Variants in CCDC88B observed in about 807,000 individuals in gnomAD.
CCDC88B encodes coiled-coil domain-containing protein 88B.
In CCDC88B, 138 loss-of-function variants were observed where a neutral mutation model predicts 183.7. The observed-to-expected ratio is 0.75, with a 90% CI of 0.65 to 0.87. The LOEUF is 0.87. Ranked by LOEUF, CCDC88B falls within the 40% of genes least tolerant of loss-of-function variation. The probability of loss-of-function intolerance (pLI) is 0.00; values close to 1 mark genes in which losing one functional copy is unlikely to be tolerated. For missense variants in CCDC88B, 1,822 were observed against 1,965.6 expected (o/e 0.93, Z 1.38); for synonymous variants, 835 against 867.5 (o/e 0.96, Z 0.66).
At position 64,349,625 on chromosome 11, in the gene CCDC88B, A is replaced by C; in HGVS notation, c.2819A>C (p.Glu940Ala). ...AATSKEEALMELKTRALQLEE... is the reference protein window; with the variant it reads ...AATSKEEALMALKTRALQLEE... ...ACCAGCAAGGAGGAGGCGCTGATGG[A>C]GCTCAAGACCAGGGCCCTGCAGCTG... Residue 940 changes from glutamate (E) to alanine (A), a missense_variant, in exon 16 of 27, where the codon GAG becomes GCG. Physicochemically the swap from Glu to Ala is moderately radical, Grantham distance 107. Transcript: ENST00000356786. 1 of 1,600,570 alleles carries C rather than the reference A, an allele frequency of 6.2e-7. No homozygotes were observed. The highest frequency in any genetic ancestry group is 1.1e-5 in the South Asian group (1 of 88,362).
In CCDC88B at chr11:64,353,040, C is replaced by A; in HGVS notation, c.3501-14C>A. 6.3e-7 allele frequency: 1 copy of A among 1,579,042 alleles called. No homozygotes were observed. Among genetic ancestry groups the A allele is most frequent in the Non-Finnish European group, 8.6e-7 (1 of 1,162,294 alleles). Reference sequence around the variant, plus strand: ...CCCAGGTCCCTTGGAGAGCAGCTCTCCTTGCCTCCCAAGGGCTCAGATGCT... The same window carrying A: ...CCCAGGTCCCTTGGAGAGCAGCTCTACTTGCCTCCCAAGGGCTCAGATGCT... On this transcript the variant is annotated splice_polypyrimidine_tract_variant and intron_variant, in intron 20 of 26. Transcript: ENST00000356786.
chr11:64,352,893 G>A lies in CCDC88B; in HGVS notation c.3500+6G>A, dbSNP rs1421756808. ...CTTCAGAGCGAGCACGACAGGTGCCGCCCCTGCCACAGCCTCTAGCAGCTC... is the reference window on the plus strand; with the variant it reads ...CTTCAGAGCGAGCACGACAGGTGCCACCCCTGCCACAGCCTCTAGCAGCTC... On this transcript the variant is annotated splice_donor_region_variant and intron_variant, in intron 20 of 26. Transcript: ENST00000356786. 7.0e-6 allele frequency: 11 copies of A among 1,571,284 alleles called. No individual in the cohort carries two copies. The highest frequency in any genetic ancestry group is 3.5e-5 in the South Asian group (3 of 85,318).
At chr11:64,351,729 T>TC in intron 18 of CCDC88B, 113 bp downstream of exon 18, 1 of 1,303,412 alleles carries the variant, frequency 7.7e-7, no homozygotes, top group Middle Eastern at 2.7e-4. Flanking sequence ...CCCCACCTCT[T>TC]CCCCAGTCTC....
At position 64,343,720 on chromosome 11, in the gene CCDC88B, G is replaced by A. The variant is rs1349120551; in HGVS notation, c.1319-58G>A. ...CTCCCTTCTCCCAAGCCTCTGGGGT[G>A]TGTATGTGAGGAGCCAGGCAGTAAA... On this transcript the variant is annotated intron_variant, in intron 12 of 26. Coordinates refer to ENST00000356786, the MANE Select transcript of CCDC88B (RefSeq NM_032251.6). 7.2e-6 allele frequency: 11 copies of A among 1,529,006 alleles called. No homozygotes were observed. The South Asian group carries it at 9.8e-5, about 14-fold the overall frequency. The allele number at this position is 1,529,006 out of a possible 1,614,324, so 94.7% of individuals were successfully genotyped here.
At chr11:64,355,537 A>G (rs1423413836) in intron 25 of CCDC88B, 23 bp from the exon 26 acceptor site, 1 of 1,612,726 alleles carries the variant, frequency 6.2e-7, no homozygotes, top group South Asian at 1.1e-5. Context: ...CCCTGGGCCC[A>G]GTGGTTGCCT....
At position 64,353,480 on chromosome 11, in the gene CCDC88B, G is replaced by T; in HGVS notation, c.3817G>T (p.Glu1273Ter). The change falls in exon 22 of 27, where the codon GAA becomes TAA. Residue 1273 changes from glutamate (E) to a stop codon, truncating the protein, a stop_gained. Transcript: ENST00000356786. LOFTEE classifies it high-confidence loss of function. ...SLESRDHLHR[E>*]QREYLDQLNA... ...GGAGAGTCGGGACCACCTGCACCGCGAACAGCGGGAGTACCTGTGAGTGGG... is the reference window on the plus strand; with the variant it reads ...GGAGAGTCGGGACCACCTGCACCGCTAACAGCGGGAGTACCTGTGAGTGGG... 1 of 1,611,782 alleles carries T rather than the reference G, an allele frequency of 6.2e-7. No individual in the cohort carries two copies. Among genetic ancestry groups the T allele is most frequent in the Non-Finnish European group, 8.5e-7 (1 of 1,179,800 alleles).
Position 64,344,326 on chromosome 11 carries a change from A to T in CCDC88B, c.1785A>T (p.Arg595Ser), listed in dbSNP as rs750718444. 9 of 1,612,978 alleles carry T rather than the reference A, an allele frequency of 5.6e-6. No individual in the cohort carries two copies. The African/African-American group carries it at 1.2e-4, about 22-fold the overall frequency. ...AGTCCCCGGAGAAGGCTGGCCGTAG[A>T]TCCTCTCTCCAGAGCCCTGCCTCTG... ...TQESPEKAGRRSSLQSPASVA... is the reference protein window; with the variant it reads ...TQESPEKAGRSSSLQSPASVA... Residue 595 changes from arginine (R) to serine (S), a missense_variant, in exon 14 of 27, where the codon AGA (arginine) becomes AGT (serine). Physicochemically the swap from Arg to Ser is moderately radical, Grantham distance 110. Transcript: ENST00000356786. The surrounding 1 kb of genome is among the most constrained non-coding windows in gnomAD (Gnocchi z 4.5).
chr11:64,351,514 G>A lies in CCDC88B; in HGVS notation c.2997G>A (p.Gly999=), dbSNP rs564733972. The A allele has an allele frequency of 5.7e-6, 9 of 1,582,942 alleles. No homozygotes were observed. In the Admixed American group the frequency reaches 1.6e-4, roughly 27 times the overall value. ...TGGCAGAGAAGGCAGCTTTGCAGGGGCAGCTGCAGCACCTGGAGGGGCAGC... is the reference window on the plus strand; with the variant it reads ...TGGCAGAGAAGGCAGCTTTGCAGGGACAGCTGCAGCACCTGGAGGGGCAGC... ...MLVAEKAALQ[G]QLQHLEGQLG... The change falls in exon 18 of 27, where the codon GGG becomes GGA. Residue 999 remains glycine, a synonymous_variant. Transcript: ENST00000356786.
intron 25 of CCDC88B, 65 bp downstream of exon 25, chr11:64,355,465 G>C (rs764508556): frequency 6.3e-7 from 1 of 1,584,190 alleles, no homozygotes; most frequent in Admixed American, 1.8e-5. Context: ...CAGCTCCTTG[G>C]GGGAGGAGGC....
Position 64,343,506 on chromosome 11 carries a change from G to C in CCDC88B, c.1210-1G>C. ...TTGTCTGACCCTTCCCTCACCCCCA[G>C]GAGCTGGACTCTCTGCGGCATCAGG... is the stretch of plus-strand genomic sequence containing the variant. On this transcript the variant is annotated splice_acceptor_variant, in intron 11 of 26. Transcript: ENST00000356786. LOFTEE classifies it high-confidence loss of function. 6.4e-7 allele frequency: 1 copy of C among 1,551,716 alleles called. No individual in the cohort carries two copies. Among genetic ancestry groups the C allele is most frequent in the South Asian group, 1.2e-5 (1 of 84,068 alleles).
Position 64,342,623 on chromosome 11 carries a change from G to A in CCDC88B, c.1005G>A (p.Glu335=). ...RAGRLPRLQE[E]LRRCRERLQA... is the part of the protein sequence containing the mutation. ...GCCGCCTGCCCCGCCTGCAGGAGGA[G>A]CTGAGGCGCTGCCGCGAGCGGCTGC... Residue 335 remains glutamate, a synonymous_variant, in exon 10 of 27, where the codon GAG becomes GAA. Coordinates refer to ENST00000356786, the MANE Select transcript of CCDC88B (RefSeq NM_032251.6). 1 of 1,528,542 alleles carries A rather than the reference G, an allele frequency of 6.5e-7. No individual in the cohort carries two copies. Among genetic ancestry groups the A allele is most frequent in the Non-Finnish European group, 8.7e-7 (1 of 1,144,098 alleles). The allele number at this position is 1,528,542 out of a possible 1,614,324, so 94.7% of individuals were successfully genotyped here. A position where few individuals can be genotyped will look rare whatever the true frequency, so the allele number is the denominator to read the frequency against.
At chr11:64,342,870 GGGGAGT>G in intron 10 of CCDC88B, 190 bp downstream of exon 10, 1 of 614,510 alleles carries the variant, frequency 1.6e-6, no homozygotes, top group South Asian at 2.1e-5. Context: ...GGCAGGTGTA[GGGGAGT>G]GGGGGGGCTG....
In CCDC88B at chr11:64,344,963, T is replaced by C; in HGVS notation, c.2422T>C (p.Ser808Pro). Residue 808 changes from serine to proline, a missense_variant, in exon 14 of 27, where the codon TCC becomes CCC. Physicochemically the swap from Ser to Pro is moderately conservative, Grantham distance 74 (BLOSUM62 -1). Coordinates refer to ENST00000356786, the MANE Select transcript of CCDC88B (RefSeq NM_032251.6). The surrounding 1 kb of genome is among the most constrained non-coding windows in gnomAD (Gnocchi z 4.5). ...TGCTGGCCAGGAGCTGGAGTCTGCG[T>C]CCCAGGAACGGGAGGCGCTGGTGGA... ...EAAGQELESASQEREALVEAL... is the reference protein window; with the variant it reads ...EAAGQELESAPQEREALVEAL... The C allele has an allele frequency of 1.4e-5, 22 of 1,551,086 alleles. No homozygotes were observed. Among genetic ancestry groups the C allele is most frequent in the Non-Finnish European group, 1.9e-5 (22 of 1,148,870 alleles).
rs1461363548 is a variant in CCDC88B, at chr11:64,352,375, G to A, written c.3345G>A (p.Glu1115=). The A allele has an allele frequency of 6.5e-7, 1 of 1,536,268 alleles. No individual in the cohort carries two copies. Among genetic ancestry groups the A allele is most frequent in the Non-Finnish European group, 8.8e-7 (1 of 1,141,762 alleles). The change falls in exon 19 of 27, where the codon GAG becomes GAA. Residue 1115 remains glutamate (E), a synonymous_variant. Transcript: ENST00000356786. The part of the protein sequence containing the change: ...NMRALELAHR[E]LQGRHEQLQA... Reference sequence around the variant, plus strand: ...GGGCACTGGAGCTGGCCCACCGGGAGCTGCAGGGCCGGTGAGCATCACCAA... The same window carrying A: ...GGGCACTGGAGCTGGCCCACCGGGAACTGCAGGGCCGGTGAGCATCACCAA...
At chr11:64,347,569 C>G (rs556594658) in intron 14 of CCDC88B, among the ~76,000 whole-genome samples, 1 of 152,176 alleles carries the variant, frequency 6.6e-6, no homozygotes, top group South Asian at 2.1e-4. Flanking sequence ...AAGACAGGCC[C>G]AGGGTAAGGG....
intron 7 of CCDC88B, 25 bp from the exon 8 acceptor site, chr11:64,341,969 C>A: frequency 1.2e-6 from 2 of 1,612,360 alleles, no homozygotes. Flanking sequence ...TAAGTTAGTC[C>A]TGACCCTTGA....
rs536140260 is a variant in CCDC88B, at chr11:64,346,729, C to T, written c.2616+1572C>T. 3.5e-4 allele frequency among the ~76,000 whole-genome samples: 53 copies of T among 151,880 alleles called. 3 individuals are homozygous for T. In the South Asian group the frequency reaches 0.01, roughly 29 times the overall value. ...TGCTGGGATTACAAGCGTGAGCCAC[C>T]GCGCCCGGCCAATTTTTGTATTTTT... On this transcript the variant is annotated intron_variant, in intron 14 of 26. Coordinates refer to ENST00000356786, the MANE Select transcript of CCDC88B (RefSeq NM_032251.6).
chr11:64,352,669 G>A (rs978172850), intron 19 of CCDC88B, 75 bp from the exon 20 acceptor site: 2 of 1,601,062 alleles, frequency 1.2e-6, no homozygotes, highest in African/African-American at 2.7e-5. Context: ...CCCCGCCCCG[G>A]GTCCAGATAG....
At chr11:64,349,007 G>GCATC in intron 14 of CCDC88B, 3 of 717,468 alleles carry the variant, frequency 4.2e-6, no homozygotes, top group Non-Finnish European at 5.2e-6. Context: ...CCCACCGGGC[G>GCATC]CATCCACCTT....
Sources: gnomAD v4.1 joint callset for allele counts (sites outside exome capture counted in the v4.1 genomes callset) on GRCh38, gnomAD v4.1.1 for gene constraint, Gnocchi (gnomAD v3.1) non-coding constraint, MANE v1.5 for transcripts, NCBI Gene and HGNC (gene_info 2026-07-23, HGNC 2026-07-21) for gene names.